The following SRR variants were observed in gnomAD, a reference collection of about 807,000 sequenced individuals.
SRR encodes serine racemase, also known as D-serine ammonia-lyase.
In SRR, 19 loss-of-function variants were observed where a neutral mutation model predicts 32.7. The observed-to-expected ratio is 0.58, with a 90% CI of 0.40 to 0.85. The LOEUF (loss-of-function observed/expected upper bound fraction) is 0.85, where lower values mean the gene tolerates loss of function less well. SRR is among the 40% of genes least tolerant of loss of function. The pLI is 0.00. For missense variants in SRR, 373 were observed against 404.7 expected, an observed-to-expected ratio of 0.92 and a Z score of 0.67; for synonymous variants, 142 against 140.9, an observed-to-expected ratio of 1.01 and a Z score of -0.06.
chr17:2,317,287 G>A (rs1474112965), intron 2 of SRR, among the ~76,000 whole-genome samples: 1 of 149,324 alleles, frequency 6.7e-6, no homozygotes, highest in East Asian at 2.0e-4. Flanking sequence ...TGAGGCAGGC[G>A]GATAACGAGG....
chr17:2,303,403 C>A, upstream of SRR: 27 of 1,248,580 alleles, frequency 2.2e-5, no homozygotes, highest in Non-Finnish European at 2.7e-5. Context: ...AGGGTGGAGG[C>A]AGGAATTCGG....
Position 2,324,237 on chromosome 17 carries a change from T to C in SRR, c.*364T>C, listed in dbSNP as rs912024627. On this transcript the variant is annotated 3_prime_UTR_variant, in exon 8 of 8. Transcript: ENST00000344595. ...TGAGGCACTGTTGAAGAAATCTCAC[T>C]TTTCAGCCAGGGTACTGGTTCTGGT... is the stretch of plus-strand genomic sequence containing the variant. The C allele has an allele frequency of 2.0e-6, 3 of 1,529,874 alleles. No individual in the cohort carries two copies. In the African/African-American group the frequency reaches 4.2e-5, roughly 21 times the overall value. 94.8% of individuals were successfully genotyped at this position (1,529,874 alleles called of 1,614,324 possible). A position where few individuals can be genotyped will look rare whatever the true frequency, so the allele number is the denominator to read the frequency against.
rs779328183 is a variant in SRR, at chr17:2,324,784, G to A, written c.*911G>A. The A allele has an allele frequency of 1.2e-6, 2 of 1,614,004 alleles. No homozygotes were observed. Among genetic ancestry groups the A allele is most frequent in the South Asian group, 1.1e-5 (1 of 91,060 alleles). Reference sequence around the variant, plus strand: ...AACTCTCTTGATGACCATTCTGTCTGGATCTACTGACATAAGATGGCCTGT... The same window carrying A: ...AACTCTCTTGATGACCATTCTGTCTAGATCTACTGACATAAGATGGCCTGT... On this transcript the variant is annotated 3_prime_UTR_variant, in exon 8 of 8. Transcript: ENST00000344595.
At chr17:2,317,365 A>G (rs547707157) in intron 2 of SRR, among the ~76,000 whole-genome samples, 13 of 151,864 alleles carry the variant, frequency 8.6e-5, no homozygotes, top group Non-Finnish European at 1.6e-4. Flanking sequence ...CAAAAAAATT[A>G]GCCGGGCGTG....
chr17:2,315,194 T>A (rs1280376269), intron 1 of SRR, among the ~76,000 whole-genome samples: 1 of 151,188 alleles, frequency 6.6e-6, no homozygotes. Flanking sequence ...TGAGCCGAGA[T>A]TGTGCCACTG....
intron 6 of SRR, chr17:2,322,563 C>G (rs550933525): frequency 6.6e-6 from 1 of 152,406 alleles, no homozygotes; most frequent in Non-Finnish European, 1.5e-5. Flanking sequence ...TGCAGTGGCA[C>G]GATCTTGGCT....
At chr17:2,321,882 A>T (rs1456944059) in intron 6 of SRR, among the ~76,000 whole-genome samples, 1 of 152,118 alleles carries the variant, frequency 6.6e-6, no homozygotes, top group African/African-American at 2.4e-5. Context: ...GGTTCAAGCG[A>T]TTCTCCTGTC....
chr17:2,321,592 T>C lies in SRR; in HGVS notation c.570T>C (p.Leu190=), dbSNP rs1309467666. ...LVVPVGGGGM[L]AGIAITVKAL... is the part of the protein sequence containing the mutation. ...TACCTGTAGGTGGAGGAGGAATGCT[T>C]GCTGGAATAGCAATTACAGTTAAGG... The change falls in exon 6 of 8, where the codon CTT becomes CTC. Residue 190 remains leucine, a synonymous_variant. Coordinates refer to ENST00000344595, the MANE Select transcript of SRR (RefSeq NM_021947.3). The C allele has an allele frequency of 6.2e-7, 1 of 1,613,942 alleles. No individual in the cohort carries two copies. Among genetic ancestry groups the C allele is most frequent in the Non-Finnish European group, 8.5e-7 (1 of 1,180,006 alleles).
At chr17:2,321,786 T>G (rs559817640) in intron 6 of SRR, among the ~76,000 whole-genome samples, 170 bp downstream of exon 6, 1 of 152,274 alleles carries the variant, frequency 6.6e-6, no homozygotes, top group Middle Eastern at 3.4e-3. Context: ...TTTACTATTA[T>G]TATTATTTTT....
Position 2,309,281 on chromosome 17 carries a change from C to G in SRR, c.-5+5264C>G, listed in dbSNP as rs573579976. Among the ~76,000 whole-genome samples, 15 of 152,268 alleles carry G rather than the reference C, an allele frequency of 9.9e-5. No homozygotes were observed. The East Asian group carries it at 2.7e-3, about 27-fold the overall frequency. ...CCTGGCCCAGGATTTATTCTTCACA[C>G]TTCTCTCCCCCATTCAATCCACTAT... On this transcript the variant is annotated intron_variant, in intron 1 of 7. Coordinates refer to ENST00000344595, the MANE Select transcript of SRR (RefSeq NM_021947.3).
intron 1 of SRR, among the ~76,000 whole-genome samples, chr17:2,310,402 G>T (rs1271122034): frequency 6.6e-6 from 1 of 152,084 alleles, no homozygotes; most frequent in Admixed American, 6.6e-5. Context: ...TTTTGGTAGA[G>T]ATAGGGTTTC....
In SRR at chr17:2,324,959, G is replaced by A; in HGVS notation, c.*1086G>A. The A allele has an allele frequency of 9.4e-7, 1 of 1,067,166 alleles. No individual in the cohort carries two copies. The highest frequency in any genetic ancestry group is 1.3e-6 in the Non-Finnish European group (1 of 763,634). The allele number at this position is 1,067,166 out of a possible 1,614,324, so 66.1% of individuals were successfully genotyped here. On this transcript the variant is annotated 3_prime_UTR_variant, in exon 8 of 8. Coordinates refer to ENST00000344595, the MANE Select transcript of SRR (RefSeq NM_021947.3). Reference sequence around the variant, plus strand: ...CTGCCCTAGCCCAATCTGAGGCTAAGATTGGTAAACTGTAAGCCCACACTT... The same window carrying A: ...CTGCCCTAGCCCAATCTGAGGCTAAAATTGGTAAACTGTAAGCCCACACTT...
chr17:2,303,834 C>G, upstream of SRR: 1 of 844,148 alleles, frequency 1.2e-6, no homozygotes, highest in South Asian at 1.8e-5. Context: ...TCCCCGCCCC[C>G]TGCCGCCCTC....
intron 1 of SRR, chr17:2,306,792 A>G: frequency 4.2e-6 from 3 of 710,032 alleles, no homozygotes; most frequent in Non-Finnish European, 5.1e-6. Context: ...AAGAGCTCGT[A>G]CAGCTGAAGA....
intron 4 of SRR, among the ~76,000 whole-genome samples, chr17:2,320,404 T>C (rs987407722): frequency 2.4e-4 from 37 of 151,504 alleles, no homozygotes; most frequent in East Asian, 3.9e-4. Context: ...TACAGGCGCG[T>C]GCCACCATGC....
intron 1 of SRR, among the ~76,000 whole-genome samples, chr17:2,308,005 C>G (rs566378021): frequency 3.5e-5 from 5 of 144,464 alleles, no homozygotes; most frequent in Non-Finnish European, 1.5e-5. Context: ...CTGTTGATTG[C>G]TAAATGTAAT....
intron 1 of SRR, chr17:2,307,860 CAT>C (rs1446440082): frequency 3.4e-5 from 22 of 638,592 alleles, no homozygotes; most frequent in Non-Finnish European, 6.0e-5. Flanking sequence ...GACAAATACT[CAT>C]GTGTATGGGC....
rs2075466836 is a variant in SRR, at chr17:2,315,608, T to C, written c.48T>C (p.His16=). The change falls in exon 2 of 8, where the codon CAT becomes CAC. Residue 16 remains histidine, a synonymous_variant. Transcript: ENST00000344595. ...CCTTTGCTGATGTTGAAAAAGCTCA[T>C]ATCAACATTCGAGATTCTATCCACC... ...CISFADVEKA[H]INIRDSIHLT... is the part of the protein sequence containing the mutation. The C allele has an allele frequency of 6.2e-7, 1 of 1,614,000 alleles. No individual in the cohort carries two copies. The highest frequency in any genetic ancestry group is 1.3e-5 in the African/African-American group (1 of 74,922).
rs746077123 is a variant in SRR, at chr17:2,324,158, C to T, written c.*285C>T. ...ACTTGTGCCTCCCATCCCTGGAGTACTGACTGGCACCGGTAAGACAGAATC... is the reference window on the plus strand; with the variant it reads ...ACTTGTGCCTCCCATCCCTGGAGTATTGACTGGCACCGGTAAGACAGAATC... On this transcript the variant is annotated 3_prime_UTR_variant, in exon 8 of 8. Transcript: ENST00000344595. 3.3e-6 allele frequency: 5 copies of T among 1,511,812 alleles called. No individual in the cohort carries two copies. Among genetic ancestry groups the T allele is most frequent in the Non-Finnish European group, 4.4e-6 (5 of 1,134,706 alleles). The allele number at this position is 1,511,812 out of a possible 1,614,324, so 93.6% of individuals were successfully genotyped here.
Sources: allele counts gnomAD v4.1 joint callset (sites outside exome capture counted in the v4.1 genomes callset), GRCh38; gene constraint gnomAD v4.1.1; transcripts MANE v1.5; gene names NCBI Gene and HGNC (gene_info 2026-07-23, HGNC 2026-07-21).